Variants in NME9 observed in about 807,000 individuals in gnomAD.
NME9 encodes NME/NM23 family member 9, also known as thioredoxin domain-containing protein 6.
Under a neutral mutation model 44.4 loss-of-function variants are expected in NME9, and 48 were observed. The observed-to-expected ratio is 1.08, with a 90% CI of 0.86 to 1.37. The LOEUF (loss-of-function observed/expected upper bound fraction) is 1.37. Among genes scored for constraint, NME9 ranks in the 40% most tolerant of loss-of-function variants. The pLI is 0.00. For missense variants in NME9, 325 were observed against 405.2 expected, an observed-to-expected ratio of 0.80 and a Z score of 1.70; for synonymous variants, 139 against 147.1, an observed-to-expected ratio of 0.94 and a Z score of 0.40.
chr3:138,319,569 T>A lies in NME9; in HGVS notation c.104A>T (p.Tyr35Phe). The change falls in exon 3 of 11, where the codon TAT becomes TTT. Residue 35 changes from tyrosine (Y) to phenylalanine (F), a missense_variant. Physicochemically the swap from Tyr to Phe is conservative, Grantham distance 22 (BLOSUM62 3). Coordinates refer to ENST00000333911, the MANE Select transcript of NME9 (RefSeq NM_001349018.2). ...SSKGLTVVDV[Y>F]QGWCGPCKPV... ...TTTGCAGGGGCCACACCAGCCTTGA[T>A]AGACATCAACAACTGTGTGGAACCA... The A allele has an allele frequency of 6.2e-7, 1 of 1,606,844 alleles. No individual in the cohort carries two copies. Among genetic ancestry groups the A allele is most frequent in the Non-Finnish European group, 8.5e-7 (1 of 1,173,414 alleles).
At chr3:138,306,532 GC>G in intron 6 of NME9, 52 bp from the exon 7 acceptor site, 1 of 1,109,758 alleles carries the variant, frequency 9.0e-7, no homozygotes, top group African/African-American at 1.6e-5. Flanking sequence ...CTCCTGAGAG[GC>G]CATCCACAAA....
downstream of NME9, chr3:138,297,993 G>T (rs931186352): frequency 6.6e-6 from 1 of 152,194 alleles, no homozygotes; most frequent in Admixed American, 6.5e-5. Context: ...TTGCCTGTGG[G>T]TATAAACAGA....
chr3:138,263,503 TAAAC>T (rs2047957717), intron 8 of NME9: 1 of 534,948 alleles, frequency 1.9e-6, no homozygotes, highest in Non-Finnish European at 3.4e-6. Flanking sequence ...TCTTTAAAAA[TAAAC>T]AACATAACCT....
intron 8 of NME9, among the ~76,000 whole-genome samples, chr3:138,274,233 ATGTGTGTGTGTG>A (rs142329302): frequency 7.0e-6 from 1 of 142,268 alleles, no homozygotes; most frequent in Admixed American, 6.9e-5. Context: ...GTGTATATAC[ATGTGTGTGTGTG>A]TGTGTGTGTG....
intron 8 of NME9, among the ~76,000 whole-genome samples, chr3:138,288,799 G>A (rs1371383283): frequency 6.6e-6 from 1 of 151,872 alleles, no homozygotes; most frequent in African/African-American, 2.4e-5. Flanking sequence ...CACTACACCC[G>A]GCAAATTTTT....
chr3:138,326,940 C>A (rs2053825901), intron 1 of NME9: 1 of 137,638 alleles, frequency 7.3e-6, no homozygotes. Context: ...CCAGAAGTTT[C>A]AGACCTGCCT....
chr3:138,316,840 C>T (rs962016767), intron 4 of NME9, among the ~76,000 whole-genome samples: 3 of 152,142 alleles, frequency 2.0e-5, no homozygotes, highest in Non-Finnish European at 4.4e-5. Flanking sequence ...GTCTCAAACT[C>T]CTGACCTCAG....
chr3:138,271,309 A>G (rs564181371), intron 8 of NME9, among the ~76,000 whole-genome samples: 154 of 152,188 alleles, frequency 1.0e-3, no homozygotes, highest in African/African-American at 3.5e-3. Flanking sequence ...CTCTGAGAAC[A>G]TTCCCCCAAG....
Position 138,315,564 on chromosome 3 carries a change from T to C in NME9, c.347A>G (p.Glu116Gly). The C allele has an allele frequency of 6.5e-7, 1 of 1,536,634 alleles. No homozygotes were observed. Among genetic ancestry groups the C allele is most frequent in the Non-Finnish European group, 8.7e-7 (1 of 1,147,026 alleles). The change falls in exon 5 of 11, where the codon GAA becomes GGA. Residue 116 changes from glutamate to glycine, a missense_variant. Physicochemically the swap from Glu to Gly is moderately conservative, Grantham distance 98. Transcript: ENST00000333911. Reference protein sequence around the residue: ...QKTILDQLEAEKKVLAEGRER... With the variant: ...QKTILDQLEAGKKVLAEGRER... ...TCTGCCTTCAGCCAGCACTTTCTTT[T>C]CGGCCTCCAGCTGGTCTAGGATGGT...
exon 9 of NME9, chr3:138,262,379 C>T (rs1576823457): frequency 2.5e-6 from 2 of 803,334 alleles, no homozygotes; most frequent in South Asian, 2.1e-5. Flanking sequence ...ATTACCATTC[C>T]TAATCTACAG....
In NME9 at chr3:138,303,668, A is replaced by G. The variant is rs1428131345; in HGVS notation, c.792-25T>C. On this transcript the variant is annotated intron_variant, in intron 9 of 10. Transcript: ENST00000333911. ...ACTGGGAACATTGGCAAAATGTAAA[A>G]GAAACAATTGTTTCATTTGAAAAGA... 4 of 1,584,626 alleles carry G rather than the reference A, an allele frequency of 2.5e-6. No homozygotes were observed. In the East Asian group the frequency reaches 6.8e-5, roughly 27 times the overall value.
At chr3:138,322,220 C>G (rs1299028127) in intron 2 of NME9, among the ~76,000 whole-genome samples, 1 of 152,080 alleles carries the variant, frequency 6.6e-6, no homozygotes, top group Admixed American at 6.6e-5. Context: ...AGGAAAAAAG[C>G]TGGGGCTCAA....
chr3:138,318,325 C>A, intron 3 of NME9, 106 bp from the exon 4 acceptor site: 2 of 758,222 alleles, frequency 2.6e-6, no homozygotes, highest in South Asian at 1.4e-5. Context: ...GACTGACTTC[C>A]CCAGGTAGAG....
chr3:138,289,179 G>A, intron 8 of NME9: 1 of 1,369,180 alleles, frequency 7.3e-7, no homozygotes, highest in South Asian at 1.2e-5. Flanking sequence ...CTTGCACAGG[G>A]AAGCTAGCAG....
At chr3:138,270,166 A>T in intron 8 of NME9, 1 of 1,419,198 alleles carries the variant, frequency 7.0e-7, no homozygotes, top group African/African-American at 1.4e-5. Context: ...CATAACTTAC[A>T]AAAGGAATAC....
Position 138,269,901 on chromosome 3 carries a change from C to A in NME9, c.746-7315G>T, listed in dbSNP as rs80348619. 206 of 227,100 alleles carry A rather than the reference C, an allele frequency of 9.1e-4. 1 individual carries two copies. The allele number at this position is 227,100 out of a possible 1,614,324, so 14.1% of individuals were successfully genotyped here. A position where few individuals can be genotyped will look rare whatever the true frequency, so the allele number is the denominator to read the frequency against. On this transcript the variant is annotated intron_variant, in intron 8 of 8. Coordinates refer to the NME9 transcript ENST00000317876. Reference sequence around the variant, plus strand: ...CTTCTCAAGGTGATTTTTATGGCTACATCACTCCCTGCTTTGCAAAAGTTG... The same window carrying A: ...CTTCTCAAGGTGATTTTTATGGCTAAATCACTCCCTGCTTTGCAAAAGTTG...
chr3:138,324,736 AC>A, intron 2 of NME9, 136 bp downstream of exon 2: 24 of 558,530 alleles, frequency 4.3e-5, no homozygotes, highest in East Asian at 1.0e-4. Flanking sequence ...ACACACACAC[AC>A]ACATCACCTG....
chr3:138,312,765 C>T (rs2052788755), intron 6 of NME9, among the ~76,000 whole-genome samples: 1 of 152,148 alleles, frequency 6.6e-6, no homozygotes, highest in African/African-American at 2.4e-5. Context: ...GAGATCACAT[C>T]AAGCAAAGAA....
intron 8 of NME9, among the ~76,000 whole-genome samples, chr3:138,282,395 CCCAG>C (rs1180214859): frequency 2.0e-5 from 3 of 152,078 alleles, no homozygotes; most frequent in Non-Finnish European, 4.4e-5. Context: ...TGCCTGTAAT[CCCAG>C]CACTTTGGGA....
Sources: allele counts gnomAD v4.1 joint callset (sites outside exome capture counted in the v4.1 genomes callset), GRCh38; gene constraint gnomAD v4.1.1; transcripts MANE v1.5; gene names NCBI Gene and HGNC (gene_info 2026-07-23, HGNC 2026-07-21).